Variants in SLC27A6 observed in about 807,000 individuals in gnomAD.
The protein encoded by SLC27A6 is solute carrier family 27 member 6.
SLC27A6 carries 74 observed loss-of-function variants against 63.9 expected under a neutral mutation model. The ratio of observed to expected loss-of-function variants is 1.16; its 90% CI spans 0.96 to 1.40. The LOEUF is 1.40. SLC27A6 is among the 40% of genes most tolerant of loss of function. The pLI, the probability that SLC27A6 is intolerant of heterozygous loss-of-function variation, is 0.00. For synonymous variants in SLC27A6, 287 were observed against 260.8 expected (o/e 1.10, Z -0.97); for missense variants, 794 against 732.9 (o/e 1.08, Z -0.96).
At chr5:128,972,199 T>G (rs540032167) in intron 1 of SLC27A6, among the ~76,000 whole-genome samples, 1 of 152,346 alleles carries the variant, frequency 6.6e-6, no homozygotes, top group East Asian at 1.9e-4. Context: ...CTTAACATTT[T>G]TCCTTCATTT....
In SLC27A6 at chr5:129,015,919, C is replaced by T; in HGVS notation, c.1004C>T (p.Ala335Val). 1 of 1,596,946 alleles carries T rather than the reference C, an allele frequency of 6.3e-7. No homozygotes were observed. The stretch of plus-strand genomic sequence containing the variant: ...GAAAAGGATCATAAGGTGCGTTTGG[C>T]AATTGGAAATGGCATACGGAGTGAT... ...EGEKDHKVRLAIGNGIRSDVW... is the reference protein window; with the variant it reads ...EGEKDHKVRLVIGNGIRSDVW... The change falls in exon 5 of 10, where the codon GCA becomes GTA. Residue 335 changes from alanine (A) to valine (V), a missense_variant. By Grantham distance (64) the Ala-to-Val change is moderately conservative (BLOSUM62 0). Transcript: ENST00000262462.
intron 6 of SLC27A6, among the ~76,000 whole-genome samples, chr5:129,024,943 C>A (rs756874410): frequency 8.5e-5 from 13 of 152,176 alleles, no homozygotes; most frequent in East Asian, 1.9e-4. Context: ...AGCCTACTGG[C>A]ATTTATCAAA....
At chr5:128,995,255 A>G (rs1230930714) in intron 4 of SLC27A6, among the ~76,000 whole-genome samples, 1 of 152,186 alleles carries the variant, frequency 6.6e-6, no homozygotes, top group Non-Finnish European at 1.5e-5. Flanking sequence ...TCCACCTAAC[A>G]CAGTCAACAG....
At chr5:129,017,188 G>C (rs1285927423) in intron 5 of SLC27A6, among the ~76,000 whole-genome samples, 1 of 152,000 alleles carries the variant, frequency 6.6e-6, no homozygotes, top group Non-Finnish European at 1.5e-5. Context: ...AAGTTACTGG[G>C]CCAGTTAGGT....
At position 128,985,072 on chromosome 5, in the gene SLC27A6, C is replaced by T. The variant is rs1750739921; in HGVS notation, c.482-61C>T. 5 of 1,258,462 alleles carry T rather than the reference C, an allele frequency of 4.0e-6. No individual in the cohort carries two copies. The South Asian group carries it at 6.7e-5, about 17-fold the overall frequency. The allele number at this position is 1,258,462 out of a possible 1,614,324, so 78.0% of individuals were successfully genotyped here. A position where few individuals can be genotyped will look rare whatever the true frequency, so the allele number is the denominator to read the frequency against. On this transcript the variant is annotated intron_variant, in intron 1 of 9. Coordinates refer to ENST00000262462, the MANE Select transcript of SLC27A6 (RefSeq NM_001017372.3). ...CCTGTTTCAATACACAAAAGCAACT[C>T]CAAAGTGAATTGTTTGAGATTTAAG...
chr5:128,988,105 T>C (rs977474107), intron 2 of SLC27A6, among the ~76,000 whole-genome samples: 2 of 152,156 alleles, frequency 1.3e-5, no homozygotes, highest in African/African-American at 4.8e-5. Flanking sequence ...GCTCAATATA[T>C]ATACTGGAAG....
chr5:128,968,732 C>A (rs78479530), intron 1 of SLC27A6, among the ~76,000 whole-genome samples: 5 of 151,860 alleles, frequency 3.3e-5, no homozygotes, highest in Admixed American at 6.6e-5. Flanking sequence ...ACTCTGATGG[C>A]AGTTTCTTTT....
chr5:128,998,101 G>T (rs1751217298), intron 4 of SLC27A6, among the ~76,000 whole-genome samples: 1 of 134,860 alleles, frequency 7.4e-6, no homozygotes, highest in South Asian at 2.4e-4. Flanking sequence ...GCAACATAGT[G>T]ACAGTCCCAT....
At chr5:129,024,641 A>AG in intron 6 of SLC27A6, among the ~76,000 whole-genome samples, 1 of 152,156 alleles carries the variant, frequency 6.6e-6, no homozygotes, top group Non-Finnish European at 1.5e-5. Context: ...TTTTCATGAA[A>AG]GCAAGTACTT....
chr5:129,032,521 C>T (rs1036804917), intron 9 of SLC27A6, among the ~76,000 whole-genome samples: 2 of 151,980 alleles, frequency 1.3e-5, no homozygotes, highest in African/African-American at 4.8e-5. Flanking sequence ...GAACCTTGAG[C>T]TAGTAGTTTG....
At chr5:129,024,280 G>A (rs970684492) in intron 6 of SLC27A6, among the ~76,000 whole-genome samples, 6 of 152,064 alleles carry the variant, frequency 3.9e-5, no homozygotes, top group Non-Finnish European at 8.8e-5. Context: ...ATGAACAGTG[G>A]CAAATTTCTA....
rs1054868255 is a variant in SLC27A6 at position 128,983,731 on chromosome 5, G to A, written c.482-1402G>A. ...CTACCATCCACCAACTTGTGAGCTT[G>A]ATGTATGAGTTTCCTAAGGCTGCTA... On this transcript the variant is annotated intron_variant, in intron 1 of 9. Coordinates refer to ENST00000262462, the MANE Select transcript of SLC27A6 (RefSeq NM_001017372.3). Among the ~76,000 whole-genome samples, 3 of 152,170 alleles carry A rather than the reference G, an allele frequency of 2.0e-5. No homozygotes were observed. The South Asian group carries it at 6.2e-4, about 32-fold the overall frequency.
At chr5:128,991,326 C>T (rs1474912351) in intron 4 of SLC27A6, among the ~76,000 whole-genome samples, 5 of 152,168 alleles carry the variant, frequency 3.3e-5, no homozygotes, top group Admixed American at 6.5e-5. Flanking sequence ...GGAAATCCAG[C>T]TAGTCCTGTC....
At chr5:129,027,491 T>C (rs951103581) in intron 7 of SLC27A6, among the ~76,000 whole-genome samples, 160 bp downstream of exon 7, 1 of 152,160 alleles carries the variant, frequency 6.6e-6, no homozygotes, top group Non-Finnish European at 1.5e-5. Context: ...GTTTCTAGAC[T>C]GAACCACAAG....
chr5:128,995,850 T>G (rs992325291), intron 4 of SLC27A6, among the ~76,000 whole-genome samples: 4 of 151,932 alleles, frequency 2.6e-5, no homozygotes, highest in African/African-American at 9.7e-5. Flanking sequence ...CTGGAAAAAA[T>G]TAGACCACTT....
intron 4 of SLC27A6, among the ~76,000 whole-genome samples, chr5:129,005,544 C>T (rs1449749816): frequency 6.6e-6 from 1 of 150,974 alleles, no homozygotes; most frequent in African/African-American, 2.4e-5. Flanking sequence ...TTTCTGACAA[C>T]TATTTAATTC....
At chr5:128,973,702 G>C (rs1167449166) in intron 1 of SLC27A6, among the ~76,000 whole-genome samples, 1 of 152,198 alleles carries the variant, frequency 6.6e-6, no homozygotes, top group Non-Finnish European at 1.5e-5. Context: ...GCTGGGAAAG[G>C]GAATTCCCTG....
intron 1 of SLC27A6, among the ~76,000 whole-genome samples, chr5:128,976,595 A>C (rs1216977077): frequency 6.6e-6 from 1 of 152,232 alleles, no homozygotes; most frequent in African/African-American, 2.4e-5. Flanking sequence ...GTCTTTAAAA[A>C]ACAATTGCCT....
At chr5:128,968,887 A>G (rs1490068832) in intron 1 of SLC27A6, among the ~76,000 whole-genome samples, 3 of 152,218 alleles carry the variant, frequency 2.0e-5, no homozygotes, top group Admixed American at 1.3e-4. Flanking sequence ...TATGGTTCTA[A>G]TGGTTTTAGG....
Sources: gnomAD v4.1 joint callset for allele counts (sites outside exome capture counted in the v4.1 genomes callset) on GRCh38, gnomAD v4.1.1 for gene constraint, MANE v1.5 for transcripts, NCBI Gene and HGNC (gene_info 2026-07-23, HGNC 2026-07-21) for gene names.